The following TNIK variants were observed in gnomAD, a reference collection of about 807,000 sequenced individuals.
TNIK encodes TRAF2 and NCK interacting kinase, also known as TRAF2 and NCK-interacting protein kinase.
A neutral mutation model predicts 191.3 loss-of-function variants in TNIK; 49 were observed. That is an observed-to-expected ratio of 0.26 (90% confidence interval 0.20 to 0.32). The LOEUF is 0.32. TNIK is among the 10% of genes least tolerant of loss of function. TNIK has a pLI of 1.00. For missense variants in TNIK, 1,155 were observed against 1,702.3 expected (o/e 0.68, Z 5.66); for synonymous variants, 594 against 600.9 (o/e 0.99, Z 0.17).
rs1381226322 is a variant in TNIK at position 171,093,900 on chromosome 3, G to A, written c.2660C>T (p.Thr887Ile). ...GCCGCTGAAACTGTCCGCATGAGAG[G>A]TCTCCAGCCCATGCGTCCCCACCAT... ...VGMVGTHGLE[T>I]SHADSFSGSI... The change falls in exon 23 of 33, where the codon ACC (threonine) becomes ATC (isoleucine). Residue 887 changes from threonine (T) to isoleucine (I), a missense_variant. By Grantham distance (89) the Thr-to-Ile change is moderately conservative. Coordinates refer to ENST00000436636, the MANE Select transcript of TNIK (RefSeq NM_015028.4). The A allele has an allele frequency of 1.2e-6, 2 of 1,613,796 alleles. No homozygotes were observed. Among genetic ancestry groups the A allele is most frequent in the African/African-American group, 2.7e-5 (2 of 74,908 alleles).
chr3:171,172,102 G>A (rs1735365069), intron 9 of TNIK, among the ~76,000 whole-genome samples: 1 of 152,128 alleles, frequency 6.6e-6, no homozygotes, highest in African/African-American at 2.4e-5. Flanking sequence ...CAGTGCCACT[G>A]CCTTTATTTC....
At chr3:171,272,157 A>G (rs992133171) in intron 2 of TNIK, among the ~76,000 whole-genome samples, 2 of 152,204 alleles carry the variant, frequency 1.3e-5, no homozygotes, top group African/African-American at 4.8e-5. Flanking sequence ...CCACCATGCA[A>G]ACACATGCAT....
At chr3:171,143,695 T>C (rs937587427) in intron 12 of TNIK, among the ~76,000 whole-genome samples, 1 of 152,218 alleles carries the variant, frequency 6.6e-6, no homozygotes, top group African/African-American at 2.4e-5. Flanking sequence ...TCTGTTCCAC[T>C]TGTTTTTATC....
intron 2 of TNIK, among the ~76,000 whole-genome samples, chr3:171,338,346 CA>C (rs1270374263): frequency 6.6e-6 from 1 of 152,122 alleles, no homozygotes; most frequent in Non-Finnish European, 1.5e-5. Context: ...TTTCTAGGTT[CA>C]TGACGTTAAG....
chr3:171,195,185 C>A (rs1738541332), intron 4 of TNIK, among the ~76,000 whole-genome samples: 1 of 152,146 alleles, frequency 6.6e-6, no homozygotes, highest in East Asian at 1.9e-4. Flanking sequence ...TCTAATTTAG[C>A]ACCTTTCATG....
intron 3 of TNIK, among the ~76,000 whole-genome samples, chr3:171,226,607 T>C (rs1177123781): frequency 6.6e-6 from 1 of 152,190 alleles, no homozygotes; most frequent in Non-Finnish European, 1.5e-5. Context: ...AAAGGCCAGG[T>C]GAATTAATAA....
chr3:171,083,432 G>C (rs1025800950), intron 26 of TNIK, among the ~76,000 whole-genome samples: 1 of 152,130 alleles, frequency 6.6e-6, no homozygotes. Flanking sequence ...TCCAAGCCTA[G>C]TATTTTCAGT....
At chr3:171,287,366 AT>A (rs1418754518) in intron 2 of TNIK, among the ~76,000 whole-genome samples, 1 of 152,210 alleles carries the variant, frequency 6.6e-6, no homozygotes, top group East Asian at 1.9e-4. Flanking sequence ...CTAATCAACT[AT>A]TTTTGCAGCT....
At chr3:171,445,207 A>G (rs1379523398) in intron 1 of TNIK, among the ~76,000 whole-genome samples, 2 of 152,016 alleles carry the variant, frequency 1.3e-5, no homozygotes, top group African/African-American at 4.8e-5. Context: ...AGGCAGGCAG[A>G]TCCCTTGAGC....
intron 15 of TNIK, 22 bp downstream of exon 15, chr3:171,138,169 G>A (rs1331292975): frequency 6.5e-7 from 1 of 1,546,822 alleles, no homozygotes; most frequent in Admixed American, 2.1e-5. Context: ...CCAACAGGGT[G>A]AGGCTACCCT....
chr3:171,413,664 A>G (rs1177516405), intron 1 of TNIK, among the ~76,000 whole-genome samples: 1 of 152,150 alleles, frequency 6.6e-6, no homozygotes, highest in Non-Finnish European at 1.5e-5. Flanking sequence ...CAGACTTTTC[A>G]GTTTCATTTC....
intron 13 of TNIK, among the ~76,000 whole-genome samples, chr3:171,140,191 C>A (rs1730611858): frequency 6.6e-6 from 1 of 152,218 alleles, no homozygotes; most frequent in Admixed American, 6.5e-5. Flanking sequence ...TGTCAGGGAA[C>A]TCTGTCTGGG....
At chr3:171,067,084 T>A (rs1442128382) in intron 30 of TNIK, among the ~76,000 whole-genome samples, 1 of 152,192 alleles carries the variant, frequency 6.6e-6, no homozygotes, top group African/African-American at 2.4e-5. Context: ...TCAGAAGGGC[T>A]TTGTGTCTTA....
At position 171,130,823 on chromosome 3, in the gene TNIK, A is replaced by G. The variant is rs545725537; in HGVS notation, c.1609-1945T>C. On this transcript the variant is annotated intron_variant, in intron 15 of 32. Coordinates refer to ENST00000436636, the MANE Select transcript of TNIK (RefSeq NM_015028.4). ...GTCACCCAAAATTCAGGAACAAAATATATGCAGAGTGAGGAATACTTGTAA... is the reference window on the plus strand; with the variant it reads ...GTCACCCAAAATTCAGGAACAAAATGTATGCAGAGTGAGGAATACTTGTAA... Among the ~76,000 whole-genome samples the G allele has an allele frequency of 3.9e-5, 6 of 152,338 alleles. No individual in the cohort carries two copies. In the South Asian group the frequency reaches 1.2e-3, roughly 32 times the overall value.
At chr3:171,254,192 G>C (rs1746577295) in intron 2 of TNIK, among the ~76,000 whole-genome samples, 1 of 152,096 alleles carries the variant, frequency 6.6e-6, no homozygotes, top group Non-Finnish European at 1.5e-5. Flanking sequence ...CATTTATATT[G>C]ATCTTAATGT....
At chr3:171,210,048 G>A (rs1301200731) in intron 4 of TNIK, among the ~76,000 whole-genome samples, 1 of 152,112 alleles carries the variant, frequency 6.6e-6, no homozygotes, top group Non-Finnish European at 1.5e-5. Flanking sequence ...TTGTGTGTTA[G>A]GCACATACAA....
chr3:171,066,364 T>C, intron 31 of TNIK, 38 bp from the exon 32 acceptor site: 14 of 1,612,118 alleles, frequency 8.7e-6, no homozygotes, highest in African/African-American at 1.3e-5. Context: ...TTAAAAACAT[T>C]AGATGGGCAA....
chr3:171,157,375 G>T, intron 12 of TNIK, 85 bp downstream of exon 12: 1 of 1,477,584 alleles, frequency 6.8e-7, no homozygotes, highest in Non-Finnish European at 9.1e-7. Flanking sequence ...GTGCTCACAG[G>T]TGGGATGTGG....
intron 4 of TNIK, among the ~76,000 whole-genome samples, chr3:171,203,846 T>G (rs1739722549): frequency 6.6e-6 from 1 of 152,210 alleles, no homozygotes; most frequent in Non-Finnish European, 1.5e-5. Flanking sequence ...GCTCTGCAAG[T>G]GTACCGTGTG....
Sources: allele counts gnomAD v4.1 joint callset (sites outside exome capture counted in the v4.1 genomes callset), GRCh38; gene constraint gnomAD v4.1.1; transcripts MANE v1.5; gene names NCBI Gene and HGNC (gene_info 2026-07-23, HGNC 2026-07-21).